NKD1: variants seen among roughly 807,000 people sequenced by gnomAD.
NKD1 encodes protein naked cuticle homolog 1.
In NKD1, 21 loss-of-function variants were observed where a neutral mutation model predicts 56.0. That is an observed-to-expected ratio of 0.38 (90% CI 0.27 to 0.54). The LOEUF (loss-of-function observed/expected upper bound fraction) is 0.54. NKD1 is among the 20% of genes least tolerant of loss of function. The pLI is 0.82. For synonymous variants in NKD1, 263 were observed against 265.7 expected (o/e 0.99, Z 0.10); for missense variants, 578 against 642.7 (o/e 0.90, Z 1.09).
intron 4 of NKD1, among the ~76,000 whole-genome samples, chr16:50,620,399 C>A (rs1050476984): frequency 6.6e-6 from 1 of 152,214 alleles, no homozygotes; most frequent in African/African-American, 2.4e-5. Context: ...GGCCTCATTT[C>A]TCCAGGCTGC....
intron 4 of NKD1, among the ~76,000 whole-genome samples, chr16:50,620,576 AC>A (rs1199780129): frequency 6.6e-6 from 1 of 151,812 alleles, no homozygotes; most frequent in Non-Finnish European, 1.5e-5. Context: ...CAAATTTACT[AC>A]CCCAGGGCAA....
intron 3 of NKD1, among the ~76,000 whole-genome samples, chr16:50,596,508 C>G (rs1284195001): frequency 6.6e-6 from 1 of 152,060 alleles, no homozygotes; most frequent in Non-Finnish European, 1.5e-5. Context: ...GTGCCCGTCT[C>G]TGCAGACGTG....
intron 3 of NKD1, among the ~76,000 whole-genome samples, chr16:50,602,080 C>T (rs1237957449): frequency 2.0e-5 from 3 of 152,150 alleles, no homozygotes; most frequent in Non-Finnish European, 4.4e-5. Flanking sequence ...GGGTAATTTC[C>T]TAGCACTTTC....
rs138964473 is a variant in NKD1, at chr16:50,598,262, T to TGTGTGTGTGCGC, written c.193-10031_193-10030insTGTGTGTGCGCG. Among the ~76,000 whole-genome samples, 13 of 148,668 alleles carry TGTGTGTGTGCGC rather than the reference T, an allele frequency of 8.7e-5. 1 individual carries two copies. Among genetic ancestry groups the TGTGTGTGTGCGC allele is most frequent in the African/African-American group, 3.1e-4 (12 of 39,160 alleles). On this transcript the variant is annotated intron_variant, in intron 3 of 9. Transcript: ENST00000268459. The surrounding 1 kb of genome is among the most constrained non-coding windows in gnomAD (Gnocchi z 4.2). Reference sequence around the variant, plus strand: ...GTGTGTGTGTGTGTGTGTGTGTGTGTGCGCGCACACCTGTGCTCATGGACA... The same window carrying TGTGTGTGTGCGC: ...GTGTGTGTGTGTGTGTGTGTGTGTGTGTGTGTGTGCGCGCGCGCACACCTGTGCTCATGGACA...
At chr16:50,567,325 A>G (rs1010662598) in intron 3 of NKD1, among the ~76,000 whole-genome samples, 2 of 152,214 alleles carry the variant, frequency 1.3e-5, no homozygotes, top group African/African-American at 4.8e-5. Context: ...AAAGATTCCC[A>G]GTAAACCGGT....
In NKD1 at chr16:50,625,575, C is replaced by G; in HGVS notation, c.457C>G (p.Arg153Gly). The change falls in exon 6 of 10, where the codon CGA (arginine) becomes GGA (glycine). Residue 153 changes from arginine (R) to glycine (G), a missense_variant. Physicochemically the swap from Arg to Gly is moderately radical, Grantham distance 125 (BLOSUM62 -2). Transcript: ENST00000268459. ...CTTTGACAACAACGGCAAGGTCACCCGAGAGGTGAGTGCACCTGCCTGGCC... is the reference window on the plus strand; with the variant it reads ...CTTTGACAACAACGGCAAGGTCACCGGAGAGGTGAGTGCACCTGCCTGGCC... ...YDFDNNGKVT[R>G]EDITSLLHTI... 1 of 1,608,494 alleles carries G rather than the reference C, an allele frequency of 6.2e-7. No homozygotes were observed. Among genetic ancestry groups the G allele is most frequent in the Non-Finnish European group, 8.5e-7 (1 of 1,174,928 alleles).
chr16:50,626,831 G>A (rs1190822553), intron 6 of NKD1, among the ~76,000 whole-genome samples: 4 of 152,130 alleles, frequency 2.6e-5, no homozygotes, highest in East Asian at 1.9e-4. Flanking sequence ...CCTGCGCGGC[G>A]GTCGCAGGTT....
At chr16:50,606,909 G>A (rs1961724542) in intron 3 of NKD1, 3 of 456,592 alleles carry the variant, frequency 6.6e-6, no homozygotes, top group East Asian at 6.9e-5. Context: ...GCCATCTAAT[G>A]ATGCCACCTG....
rs372063673 is a variant in NKD1 at position 50,633,363 on chromosome 16, A to C, written c.995A>C (p.Gln332Pro). 2 of 1,614,028 alleles carry C rather than the reference A, an allele frequency of 1.2e-6. No individual in the cohort carries two copies. The highest frequency in any genetic ancestry group is 1.7e-6 in the Non-Finnish European group (2 of 1,180,018). ...DTPIAKVSEL[Q>P]QRLRGTQDGS... Reference sequence around the variant, plus strand: ...CCAATCGCCAAGGTCTCAGAGCTCCAGCAACGGCTCCGGGGCACCCAGGAC... The same window carrying C: ...CCAATCGCCAAGGTCTCAGAGCTCCCGCAACGGCTCCGGGGCACCCAGGAC... Residue 332 changes from glutamine (Q) to proline (P), a missense_variant, in exon 10 of 10, where the codon CAG becomes CCG. Coordinates refer to ENST00000268459, the MANE Select transcript of NKD1 (RefSeq NM_033119.5). This position sits in a 1 kb window ranked among gnomAD's most constrained non-coding sequence, Gnocchi z 4.9.
chr16:50,577,023 G>A (rs898028404), intron 3 of NKD1, among the ~76,000 whole-genome samples: 4 of 152,184 alleles, frequency 2.6e-5, no homozygotes, highest in African/African-American at 9.6e-5. Flanking sequence ...ACCATACCTG[G>A]CTGGCCCTAT....
intron 4 of NKD1, among the ~76,000 whole-genome samples, chr16:50,616,915 T>C (rs1961973741): frequency 6.6e-6 from 1 of 152,226 alleles, no homozygotes; most frequent in Admixed American, 6.5e-5. Flanking sequence ...GTGCACAGCC[T>C]GCTTCTTGGA....
In NKD1 at chr16:50,582,535, T is replaced by A. The variant is rs183743569; in HGVS notation, c.193-25759T>A. Among the ~76,000 whole-genome samples the A allele has an allele frequency of 3.0e-3, 459 of 152,352 alleles. 2 individuals are homozygous for A. Among genetic ancestry groups the A allele is most frequent in the Admixed American group, 5.0e-3 (77 of 15,306 alleles). ...TCCCACACATTCATTCATTCTGGAA[T>A]GGCACCTTGGGGCACTCTCGTGACA... On this transcript the variant is annotated intron_variant, in intron 3 of 9. Transcript: ENST00000268459.
chr16:50,611,412 C>G (rs1961844429), intron 4 of NKD1, among the ~76,000 whole-genome samples: 1 of 139,626 alleles, frequency 7.2e-6, no homozygotes, highest in African/African-American at 3.3e-5. Context: ...AGTCAGGCAG[C>G]CCCTCCTCCT....
At chr16:50,583,489 G>T (rs149941943) in intron 3 of NKD1, among the ~76,000 whole-genome samples, 3 of 152,260 alleles carry the variant, frequency 2.0e-5, no homozygotes, top group Non-Finnish European at 4.4e-5. Context: ...GATGACAGCA[G>T]CCCCAGCCTT....
In NKD1 at chr16:50,588,752, C is replaced by T. The variant is rs541411586; in HGVS notation, c.193-19542C>T. 4.1e-4 allele frequency among the ~76,000 whole-genome samples: 63 copies of T among 151,894 alleles called. No individual in the cohort carries two copies. In the Middle Eastern group the frequency reaches 0.01, roughly 25 times the overall value. Reference sequence around the variant, plus strand: ...CCGATTAGCTGGGATTACCAGCGCCCGCCATCATGCCCGGCTAATTTTTGT... The same window carrying T: ...CCGATTAGCTGGGATTACCAGCGCCTGCCATCATGCCCGGCTAATTTTTGT... On this transcript the variant is annotated intron_variant, in intron 3 of 9. Transcript: ENST00000268459.
rs927846228 is a variant in NKD1 at position 50,638,905 on chromosome 16, T to C, written c.*5124T>C. The C allele has an allele frequency of 2.6e-5, 4 of 152,140 alleles. No individual in the cohort carries two copies. Among genetic ancestry groups the C allele is most frequent in the African/African-American group, 9.7e-5 (4 of 41,422 alleles). 9.4% of individuals were successfully genotyped at this position (152,140 alleles called of 1,614,324 possible). A position where few individuals can be genotyped will look rare whatever the true frequency, so the allele number is the denominator to read the frequency against. The stretch of plus-strand genomic sequence containing the variant: ...CTTCCCTCCACTGTCTCCCACAAAG[T>C]AGAAGAATCCTGGTACATTTAGCCC... On this transcript the variant is annotated 3_prime_UTR_variant, in exon 10 of 10. Coordinates refer to ENST00000268459, the MANE Select transcript of NKD1 (RefSeq NM_033119.5).
chr16:50,592,035 C>T (rs1384419940), intron 3 of NKD1, among the ~76,000 whole-genome samples: 2 of 152,212 alleles, frequency 1.3e-5, no homozygotes, highest in Non-Finnish European at 2.9e-5. Context: ...AAGCCCATTG[C>T]ACCTGCCCCA....
intron 3 of NKD1, among the ~76,000 whole-genome samples, chr16:50,605,099 G>A (rs1596736184): frequency 6.6e-6 from 1 of 152,228 alleles, no homozygotes; most frequent in Non-Finnish European, 1.5e-5. Context: ...GCTGGCTCAA[G>A]TCCCCGCTCC....
At chr16:50,570,247 C>T (rs1960852198) in intron 3 of NKD1, among the ~76,000 whole-genome samples, 1 of 152,062 alleles carries the variant, frequency 6.6e-6, no homozygotes, top group Non-Finnish European at 1.5e-5. Flanking sequence ...GTATTCTGTT[C>T]CTGTCACACA....
Sources: allele counts gnomAD v4.1 joint callset (sites outside exome capture counted in the v4.1 genomes callset), GRCh38; gene constraint gnomAD v4.1.1; non-coding constraint Gnocchi (gnomAD v3.1); transcripts MANE v1.5; gene names NCBI Gene and HGNC (gene_info 2026-07-23, HGNC 2026-07-21).